GPM6A: variants seen among roughly 807,000 people sequenced by gnomAD.
GPM6A encodes neuronal membrane glycoprotein M6-a.
In GPM6A, 7 loss-of-function variants were observed where a neutral mutation model predicts 32.1. The observed-to-expected ratio is 0.22, with a 90% CI of 0.12 to 0.41. The LOEUF (loss-of-function observed/expected upper bound fraction) is 0.41, where lower values mean the gene tolerates loss of function less well. Ranked by LOEUF, GPM6A falls within the 10% of genes least tolerant of loss-of-function variation. GPM6A has a pLI of 1.00. For missense variants in GPM6A, 235 were observed against 347.2 expected, an observed-to-expected ratio of 0.68 and a Z score of 2.57; for synonymous variants, 130 against 123.4, an observed-to-expected ratio of 1.05 and a Z score of -0.35.
upstream of GPM6A, chr4:175,812,723 A>G: frequency 1.0e-6 from 1 of 985,244 alleles, no homozygotes; most frequent in South Asian, 4.7e-5. Context: ...CCGACCACCA[A>G]CCCGTAATTC....
intron 1 of GPM6A, among the ~76,000 whole-genome samples, chr4:175,831,916 A>T (rs2111368880): frequency 6.6e-6 from 1 of 151,486 alleles, no homozygotes; most frequent in Admixed American, 6.6e-5. Flanking sequence ...ACGGGATTTC[A>T]CCACGTTGAC....
At chr4:175,890,670 G>A (rs568446078) in intron 1 of GPM6A, among the ~76,000 whole-genome samples, 1 of 151,984 alleles carries the variant, frequency 6.6e-6, no homozygotes, top group Non-Finnish European at 1.5e-5. Context: ...GGGCTTAAGT[G>A]ATCCTCCCAA....
At chr4:175,994,472 A>C (rs188872452) in intron 1 of GPM6A, among the ~76,000 whole-genome samples, 4 of 152,354 alleles carry the variant, frequency 2.6e-5, no homozygotes, top group African/African-American at 9.6e-5. Flanking sequence ...GTGCATATAA[A>C]AGTTATGTTT....
chr4:175,885,175 A>G (rs528987155), intron 1 of GPM6A, among the ~76,000 whole-genome samples: 4 of 152,376 alleles, frequency 2.6e-5, no homozygotes, highest in Non-Finnish European at 5.9e-5. Flanking sequence ...ATAACCATGG[A>G]GTGAAATACT....
intron 1 of GPM6A, among the ~76,000 whole-genome samples, chr4:175,760,508 A>G (rs1465599269): frequency 6.6e-6 from 1 of 152,194 alleles, no homozygotes; most frequent in Non-Finnish European, 1.5e-5. Flanking sequence ...CATTTTATGA[A>G]TATATGCTCA....
chr4:175,787,047 CG>C, intron 1 of GPM6A: 1 of 327,872 alleles, frequency 3.0e-6, no homozygotes, highest in Non-Finnish European at 5.5e-6. Context: ...CCTATAATCT[CG>C]GTGTTTGTTT....
exon 1 of GPM6A, chr4:176,002,310 C>A: frequency 6.3e-7 from 1 of 1,598,036 alleles, no homozygotes; most frequent in East Asian, 2.3e-5. Context: ...CGCACTCACC[C>A]ATGGCCCGAG....
chr4:175,639,560 T>A (rs1491001621), intron 6 of GPM6A, among the ~76,000 whole-genome samples: 1 of 152,126 alleles, frequency 6.6e-6, no homozygotes. Flanking sequence ...ATACTGGAAC[T>A]CATGCCAAGT....
intron 1 of GPM6A, among the ~76,000 whole-genome samples, chr4:175,811,442 G>T (rs1395989767): frequency 6.6e-6 from 1 of 152,020 alleles, no homozygotes; most frequent in Non-Finnish European, 1.5e-5. Flanking sequence ...AACAATTCTC[G>T]AGTTGATTGA....
intron 4 of GPM6A, among the ~76,000 whole-genome samples, chr4:175,644,121 GT>G (rs781755092): frequency 0.013 from 1,416 of 110,322 alleles, 9 homozygotes; most frequent in African/African-American, 0.038. Context: ...TTTTCCGTTT[GT>G]TTTTTTTTTT....
At chr4:175,955,702 A>T (rs1342817686) in intron 1 of GPM6A, among the ~76,000 whole-genome samples, 1 of 152,200 alleles carries the variant, frequency 6.6e-6, no homozygotes, top group Non-Finnish European at 1.5e-5. Context: ...TCCAAGCAGT[A>T]ACAACAGCCA....
At chr4:175,822,307 G>T (rs1735300170) in intron 1 of GPM6A, among the ~76,000 whole-genome samples, 2 of 151,942 alleles carry the variant, frequency 1.3e-5, no homozygotes, top group Non-Finnish European at 1.5e-5. Flanking sequence ...CTTTTAATTG[G>T]AAATCTTATC....
intron 6 of GPM6A, among the ~76,000 whole-genome samples, chr4:175,636,242 A>G (rs1453206086): frequency 2.1e-5 from 3 of 139,542 alleles, no homozygotes; most frequent in Non-Finnish European, 4.6e-5. Flanking sequence ...GCATTTACAT[A>G]GTGAAAGCAT....
chr4:175,919,187 T>G (rs72704529), intron 1 of GPM6A, among the ~76,000 whole-genome samples: 3,537 of 152,210 alleles, frequency 0.023, 70 homozygotes, highest in African/African-American at 0.045. Flanking sequence ...TTCTCATGAT[T>G]TTTCTTTTTT....
At chr4:175,753,592 C>T (rs923646359) in intron 1 of GPM6A, among the ~76,000 whole-genome samples, 6 of 152,120 alleles carry the variant, frequency 3.9e-5, no homozygotes, top group African/African-American at 1.4e-4. Context: ...CCTCCCTTCA[C>T]TACATGGGAA....
intron 2 of GPM6A, among the ~76,000 whole-genome samples, chr4:175,694,976 A>G (rs1744496406): frequency 6.6e-6 from 1 of 152,164 alleles, no homozygotes; most frequent in Non-Finnish European, 1.5e-5. Context: ...CCATGGCTAA[A>G]AGACCCCCAA....
chr4:175,711,043 T>G (rs763890786), intron 1 of GPM6A, among the ~76,000 whole-genome samples: 6 of 152,148 alleles, frequency 3.9e-5, no homozygotes, highest in Non-Finnish European at 8.8e-5. Flanking sequence ...CCTTTAACTT[T>G]ATTGTTGGCT....
At chr4:175,644,490 C>T (rs1332764408) in intron 4 of GPM6A, among the ~76,000 whole-genome samples, 1 of 151,258 alleles carries the variant, frequency 6.6e-6, no homozygotes, top group African/African-American at 2.4e-5. Context: ...GATAAGTATA[C>T]CATATATAAC....
At chr4:175,829,392 C>G (rs1735536209) in intron 1 of GPM6A, among the ~76,000 whole-genome samples, 1 of 151,960 alleles carries the variant, frequency 6.6e-6, no homozygotes, top group Non-Finnish European at 1.5e-5. Flanking sequence ...AAATACAACT[C>G]TCTATTTTAA....
Sources: gnomAD v4.1 joint callset for allele counts (sites outside exome capture counted in the v4.1 genomes callset) on GRCh38, gnomAD v4.1.1 for gene constraint, MANE v1.5 for transcripts, NCBI Gene and HGNC (gene_info 2026-07-23, HGNC 2026-07-21) for gene names.